The following LRP2 variants were observed in gnomAD, a reference collection of about 807,000 sequenced individuals.
The protein encoded by LRP2 is LDL receptor related protein 2.
Under a neutral mutation model 531.0 loss-of-function variants are expected in LRP2, and 172 were observed. That is an observed-to-expected ratio of 0.32 (90% CI 0.29 to 0.37). The LOEUF is 0.37. Ranked by LOEUF, LRP2 falls within the 10% of genes least tolerant of loss-of-function variation. The pLI is 1.00. For missense variants in LRP2, 5,167 were observed against 5,868.3 expected (o/e 0.88, Z 3.90); for synonymous variants, 1,992 against 2,027.6 (o/e 0.98, Z 0.47).
intron 1 of LRP2, among the ~76,000 whole-genome samples, chr2:169,350,295 A>G (rs1685812165): frequency 6.6e-6 from 1 of 152,192 alleles, no homozygotes; most frequent in Non-Finnish European, 1.5e-5. Context: ...GTCTGAGATG[A>G]CTATTGGCCA....
At chr2:169,216,830 C>G (rs1017305900) in intron 34 of LRP2, among the ~76,000 whole-genome samples, 1 of 152,144 alleles carries the variant, frequency 6.6e-6, no homozygotes, top group African/African-American at 2.4e-5. Context: ...TGATCACTTA[C>G]CAGGCCTCAT....
intron 1 of LRP2, among the ~76,000 whole-genome samples, chr2:169,352,774 T>C (rs1167807962): frequency 6.6e-6 from 1 of 151,520 alleles, no homozygotes; most frequent in Non-Finnish European, 1.5e-5. Flanking sequence ...CACCGCATGT[T>C]CTCACTCATA....
chr2:169,231,033 T>G (rs1574157872), intron 31 of LRP2, among the ~76,000 whole-genome samples: 1 of 151,998 alleles, frequency 6.6e-6, no homozygotes, highest in East Asian at 1.9e-4. Flanking sequence ...GTGGTCCACG[T>G]CTGTAATCCC....
At chr2:169,247,816 G>C (rs868756106) in intron 19 of LRP2, among the ~76,000 whole-genome samples, 1 of 152,088 alleles carries the variant, frequency 6.6e-6, no homozygotes, top group Non-Finnish European at 1.5e-5. Context: ...AATAAGAATT[G>C]GGGAATTCTT....
intron 49 of LRP2, 76 bp from the exon 50 acceptor site, chr2:169,186,095 T>C (rs1450273273): frequency 6.0e-6 from 8 of 1,322,824 alleles, no homozygotes; most frequent in Non-Finnish European, 8.6e-6. Flanking sequence ...AAGTCAACAT[T>C]TCTACTAAAC....
intron 1 of LRP2, among the ~76,000 whole-genome samples, chr2:169,359,014 TTGGAAA>T (rs1392243375): frequency 1.3e-5 from 2 of 151,532 alleles, no homozygotes; most frequent in African/African-American, 4.8e-5. Context: ...TATTTGAAAA[TTGGAAA>T]TGGAAATAGG....
chr2:169,276,898 A>C (rs1423484236), intron 13 of LRP2, among the ~76,000 whole-genome samples: 2 of 152,124 alleles, frequency 1.3e-5, no homozygotes, highest in Non-Finnish European at 2.9e-5. Flanking sequence ...AGATGAAAAA[A>C]AATATGCCAT....
At chr2:169,167,348 G>C (rs1333251525) in intron 61 of LRP2, among the ~76,000 whole-genome samples, 2 of 152,126 alleles carry the variant, frequency 1.3e-5, no homozygotes, top group African/African-American at 4.8e-5. Context: ...TCAAATCTCT[G>C]GGCTAAAAAT....
chr2:169,291,041 CA>C, intron 7 of LRP2, 44 bp from the exon 8 acceptor site: 1 of 1,584,634 alleles, frequency 6.3e-7, no homozygotes, highest in South Asian at 1.1e-5. Context: ...AGGGGAGGTA[CA>C]GCCAGCTCTT....
rs763404712 is a variant in LRP2 at position 169,162,521 on chromosome 2, C to T, written c.11838G>A (p.Val3946=). 14 of 1,614,116 alleles carry T rather than the reference C, an allele frequency of 8.7e-6. 1 individual carries two copies. The African/African-American group carries it at 1.3e-4, about 15-fold the overall frequency. The change falls in exon 63 of 79, where the codon GTG becomes GTA. Residue 3946 remains valine, a synonymous_variant. Coordinates refer to ENST00000649046, the MANE Select transcript of LRP2 (RefSeq NM_004525.3). ...GNGHCIPHDN[V]CDDADDCGDW... ...CACCACAGTCATCGGCATCATCACA[C>T]ACATTGTCATGTGGAATGCAATGCC...
Position 169,185,914 on chromosome 2 carries a change from G to A in LRP2, c.9434C>T (p.Ser3145Phe), listed in dbSNP as rs200487069. Residue 3145 changes from serine (S) to phenylalanine (F), a missense_variant, in exon 50 of 79, where the codon TCT (serine) becomes TTT (phenylalanine). Around this residue, in one of 6 missense-constraint regions of LRP2, gnomAD observed 1,129 missense variants for 1,362.7 expected, o/e 0.83. Coordinates refer to ENST00000649046, the MANE Select transcript of LRP2 (RefSeq NM_004525.3). ...AATATCAACACAAGTCCGCTTGTCA[G>A]ACATGAGCTTGTAACCAGGACGACA... is the stretch of plus-strand genomic sequence containing the variant. The part of the protein sequence containing the change: ...CSCRPGYKLM[S>F]DKRTCVDIDE... 6.8e-6 allele frequency: 11 copies of A among 1,613,960 alleles called. No individual in the cohort carries two copies. In the African/African-American group the frequency reaches 9.3e-5, roughly 14 times the overall value.
At chr2:169,192,411 C>T (rs1451446378) in intron 47 of LRP2, among the ~76,000 whole-genome samples, 2 of 151,904 alleles carry the variant, frequency 1.3e-5, no homozygotes, top group African/African-American at 4.8e-5. Flanking sequence ...CACACAAGCA[C>T]AATGTGAAAT....
At chr2:169,282,814 A>G (rs180783580) in intron 10 of LRP2, 59 bp downstream of exon 10, 4 of 1,554,350 alleles carry the variant, frequency 2.6e-6, no homozygotes, top group African/African-American at 2.7e-5. Flanking sequence ...AGAAGGAAGG[A>G]AAGAAGCTAT....
At chr2:169,167,652 G>A (rs1386273805) in intron 61 of LRP2, among the ~76,000 whole-genome samples, 1 of 151,982 alleles carries the variant, frequency 6.6e-6, no homozygotes, top group Non-Finnish European at 1.5e-5. Context: ...TATTTGGATA[G>A]GGTGCATCCC....
chr2:169,195,325 TAA>T (rs1480492200), intron 46 of LRP2, among the ~76,000 whole-genome samples: 1 of 152,186 alleles, frequency 6.6e-6, no homozygotes, highest in Non-Finnish European at 1.5e-5. Context: ...TCTGTTTTTT[TAA>T]AATCTATATA....
Position 169,188,074 on chromosome 2 carries a change from C to T in LRP2, c.9224G>A (p.Cys3075Tyr). 6.2e-7 allele frequency: 1 copy of T among 1,614,096 alleles called. No homozygotes were observed. Among genetic ancestry groups the T allele is most frequent in the Non-Finnish European group, 8.5e-7 (1 of 1,180,028 alleles). Residue 3075 changes from cysteine to tyrosine, a missense_variant, in exon 49 of 79, where the codon TGT becomes TAT. Transcript: ENST00000649046. ...MHLCHTPEPT[C>Y]PPHEFKCDNG... Reference sequence around the variant, plus strand: ...GTCACACTTGAACTCGTGAGGTGGACACGTGGGTTCTGGGGTGTGGCACAG... The same window carrying T: ...GTCACACTTGAACTCGTGAGGTGGATACGTGGGTTCTGGGGTGTGGCACAG...
Position 169,361,377 on chromosome 2 carries a change from C to CT in LRP2, c.79+943_79+944insA, listed in dbSNP as rs1559092856. On this transcript the variant is annotated intron_variant, in intron 1 of 78. Transcript: ENST00000649046. ...CTCTCTCTCTCTCTCTCTCTCTCTC[C>CT]CTCTCTCTCTCTCTCTCTGTCTCTC... Among the ~76,000 whole-genome samples, 437 of 52,094 alleles carry CT rather than the reference C, an allele frequency of 8.4e-3. 14 individuals are homozygous for CT. Among genetic ancestry groups the CT allele is most frequent in the African/African-American group, 0.014 (127 of 9,374 alleles). 34.2% of individuals were successfully genotyped at this position (52,094 alleles called of 152,430 possible). A position where few individuals can be genotyped will look rare whatever the true frequency, so the allele number is the denominator to read the frequency against.
chr2:169,318,929 C>T, intron 2 of LRP2, 45 bp from the exon 3 acceptor site: 1 of 1,612,326 alleles, frequency 6.2e-7, no homozygotes, highest in Non-Finnish European at 8.5e-7. Context: ...TCATCCTCCC[C>T]ATTATACTAG....
chr2:169,194,833 G>A (rs1687951694), intron 46 of LRP2, among the ~76,000 whole-genome samples: 1 of 147,380 alleles, frequency 6.8e-6, no homozygotes, highest in African/African-American at 2.5e-5. Context: ...TGATTCTCCT[G>A]CCTGAGTAGC....
Sources: allele counts gnomAD v4.1 joint callset (sites outside exome capture counted in the v4.1 genomes callset), GRCh38; gene constraint gnomAD v4.1.1; regional missense constraint gnomAD v4.1.1; transcripts MANE v1.5; gene names NCBI Gene and HGNC (gene_info 2026-07-23, HGNC 2026-07-21).